The following TRHDE variants were observed in gnomAD, a reference collection of about 807,000 sequenced individuals.
TRHDE encodes thyrotropin-releasing hormone-degrading ectoenzyme.
Under a neutral mutation model 125.7 loss-of-function variants are expected in TRHDE, and 72 were observed. That is an observed-to-expected ratio of 0.57 (90% confidence interval 0.47 to 0.70). The LOEUF (loss-of-function observed/expected upper bound fraction) is 0.70. TRHDE is among the 30% of genes least tolerant of loss of function. The pLI is 0.00. For synonymous variants in TRHDE, 509 were observed against 509.1 expected (o/e 1.00, Z 0.00); for missense variants, 1,110 against 1,327.1 (o/e 0.84, Z 2.54).
At chr12:72,501,889 C>T (rs187465611) in intron 6 of TRHDE, among the ~76,000 whole-genome samples, 32 of 152,024 alleles carry the variant, frequency 2.1e-4, no homozygotes, top group African/African-American at 5.3e-4. Context: ...TATTTTAATG[C>T]GAGCATTGGT....
At chr12:72,272,106 G>T, upstream of TRHDE, 1 of 457,366 alleles carries the variant, frequency 2.2e-6, no homozygotes, top group Non-Finnish European at 4.4e-6. The surrounding 1 kb of genome is among the most constrained non-coding windows in gnomAD (Gnocchi z 6.7). Flanking sequence ...CTCCCGTGCT[G>T]TGGCCGCCGT....
chr12:72,420,221 A>T (rs1459754151), intron 3 of TRHDE, among the ~76,000 whole-genome samples: 2 of 152,146 alleles, frequency 1.3e-5, no homozygotes, highest in Non-Finnish European at 2.9e-5. Context: ...GATCGTCTCT[A>T]GTTTAGAACT....
At chr12:72,631,776 T>C (rs560207361) in intron 15 of TRHDE, among the ~76,000 whole-genome samples, 1 of 152,064 alleles carries the variant, frequency 6.6e-6, no homozygotes, top group Admixed American at 6.6e-5. Flanking sequence ...GGGAAACTTT[T>C]AATTGAGAAA....
chr12:72,266,922 A>G (rs1879082783), intron 2 of TRHDE, among the ~76,000 whole-genome samples: 2 of 152,138 alleles, frequency 1.3e-5, no homozygotes, highest in East Asian at 1.9e-4. Context: ...TCATGATTAC[A>G]TAAGACAGCA....
chr12:72,220,705 C>T (rs2930570), intron 2 of TRHDE, among the ~76,000 whole-genome samples: 113,772 of 152,020 alleles, frequency 0.75, 42,844 homozygotes, highest in South Asian at 0.78. Flanking sequence ...TTGCTTGAAC[C>T]TCTTTGAAGA....
intron 12 of TRHDE, among the ~76,000 whole-genome samples, chr12:72,588,547 G>A (rs1346906783): frequency 6.6e-6 from 1 of 152,118 alleles, no homozygotes; most frequent in African/African-American, 2.4e-5. Context: ...AGAGTAAAAG[G>A]TAAAGCATAT....
At chr12:72,116,584 T>C (rs1875448849) in intron 2 of TRHDE, among the ~76,000 whole-genome samples, 1 of 152,196 alleles carries the variant, frequency 6.6e-6, no homozygotes, top group Non-Finnish European at 1.5e-5. Context: ...CTCATTGTGG[T>C]TTTGATTTGC....
chr12:72,337,289 T>C (rs1869870324), intron 2 of TRHDE, among the ~76,000 whole-genome samples: 1 of 152,140 alleles, frequency 6.6e-6, no homozygotes, highest in South Asian at 2.1e-4. Flanking sequence ...ATGAGCTGCA[T>C]GGCTGAAAGG....
intron 12 of TRHDE, among the ~76,000 whole-genome samples, chr12:72,616,594 C>G (rs1338261760): frequency 6.6e-6 from 1 of 151,918 alleles, no homozygotes. Context: ...AAGTATGAGT[C>G]ATTAAATAAT....
At chr12:72,362,436 T>G (rs1251714298) in intron 2 of TRHDE, among the ~76,000 whole-genome samples, 21 of 151,826 alleles carry the variant, frequency 1.4e-4, no homozygotes, top group Non-Finnish European at 2.4e-4. Flanking sequence ...TAAATTTGTT[T>G]GAGTTCATTG....
At chr12:72,414,919 A>T (rs1337340146) in intron 3 of TRHDE, among the ~76,000 whole-genome samples, 1 of 152,122 alleles carries the variant, frequency 6.6e-6, no homozygotes, top group African/African-American at 2.4e-5. Context: ...TTAATGACTT[A>T]AATTTTTTAA....
rs1425975877 is a variant in TRHDE at position 72,593,405 on chromosome 12, C to A, written c.2321+17863C>A. Among the ~76,000 whole-genome samples, 25 of 152,240 alleles carry A rather than the reference C, an allele frequency of 1.6e-4. No individual in the cohort carries two copies. The East Asian group carries it at 4.6e-3, about 28-fold the overall frequency. ...TCCAAAGATCATGTTCTTTTATTGT[C>A]ACCCTTATGGCAGTTTTTTCAGAGA... is the stretch of plus-strand genomic sequence containing the variant. On this transcript the variant is annotated intron_variant, in intron 12 of 18. Transcript: ENST00000261180.
chr12:72,601,599 G>A (rs912316574), intron 12 of TRHDE, among the ~76,000 whole-genome samples: 6 of 152,108 alleles, frequency 3.9e-5, no homozygotes, highest in Admixed American at 3.9e-4. Flanking sequence ...TGCAGCAAAC[G>A]TGATTGTTGC....
chr12:72,482,699 G>A (rs555790069), intron 5 of TRHDE, among the ~76,000 whole-genome samples: 1 of 151,900 alleles, frequency 6.6e-6, no homozygotes, highest in East Asian at 1.9e-4. Context: ...TCTAAATATT[G>A]TTTATTTTAT....
At chr12:72,387,723 T>A (rs1296917776) in intron 3 of TRHDE, among the ~76,000 whole-genome samples, 1 of 152,106 alleles carries the variant, frequency 6.6e-6, no homozygotes, top group Non-Finnish European at 1.5e-5. Context: ...ATGGGGGTGG[T>A]TTCCCTCAGA....
intron 3 of TRHDE, among the ~76,000 whole-genome samples, chr12:72,429,159 A>G (rs1267922002): frequency 6.6e-6 from 1 of 151,994 alleles, no homozygotes; most frequent in East Asian, 1.9e-4. Context: ...ACACATGGAC[A>G]CAGGGAGGGG....
chr12:72,668,962 G>T lies in TRHDE; in HGVS notation c.*5767G>T, dbSNP rs1469603125. ...ATCATTGTCACTGGCTCTTTCGAAAGAAGTATTAATTTGTGCATTCTGGTT... is the reference window on the plus strand; with the variant it reads ...ATCATTGTCACTGGCTCTTTCGAAATAAGTATTAATTTGTGCATTCTGGTT... On this transcript the variant is annotated 3_prime_UTR_variant, in exon 19 of 19. Coordinates refer to ENST00000261180, the MANE Select transcript of TRHDE (RefSeq NM_013381.3). 2 of 151,746 alleles carry T rather than the reference G, an allele frequency of 1.3e-5. No homozygotes were observed. Among genetic ancestry groups the T allele is most frequent in the Non-Finnish European group, 2.9e-5 (2 of 67,818 alleles). 9.4% of individuals were successfully genotyped at this position (151,746 alleles called of 1,614,324 possible). A position where few individuals can be genotyped will look rare whatever the true frequency, so the allele number is the denominator to read the frequency against.
chr12:72,223,759 T>C (rs1027610727), intron 2 of TRHDE, among the ~76,000 whole-genome samples: 1 of 152,100 alleles, frequency 6.6e-6, no homozygotes, highest in African/African-American at 2.4e-5. Context: ...ATCCATTATG[T>C]AGAACTTGGA....
chr12:72,446,583 G>A, intron 3 of TRHDE, among the ~76,000 whole-genome samples: 1 of 152,032 alleles, frequency 6.6e-6, no homozygotes, highest in Non-Finnish European at 1.5e-5. Context: ...GAAGAGTCAA[G>A]ACCCATCAGT....
Sources: allele counts gnomAD v4.1 joint callset (sites outside exome capture counted in the v4.1 genomes callset), GRCh38; gene constraint gnomAD v4.1.1; non-coding constraint Gnocchi (gnomAD v3.1); transcripts MANE v1.5; gene names NCBI Gene and HGNC (gene_info 2026-07-23, HGNC 2026-07-21).